EPHB2: variants seen among roughly 807,000 people sequenced by gnomAD.
EPHB2 encodes the protein EPH receptor B2, also known as ephrin type-B receptor 2.
A neutral mutation model predicts 96.4 loss-of-function variants in EPHB2; 18 were observed. That is an observed-to-expected ratio of 0.19 (90% confidence interval 0.13 to 0.28). EPHB2 has a LOEUF of 0.28. Among genes scored for constraint, EPHB2 ranks in the 10% least tolerant of loss-of-function variants. The probability of loss-of-function intolerance (pLI) is 1.00; values close to 1 mark genes in which losing one functional copy is unlikely to be tolerated. For synonymous variants in EPHB2, 506 were observed against 534.1 expected, an observed-to-expected ratio of 0.95 and a Z score of 0.72; for missense variants, 989 against 1,355.4, an observed-to-expected ratio of 0.73 and a Z score of 4.25.
chr1:22,858,227 A>T lies in EPHB2; in HGVS notation c.812-4810A>T, dbSNP rs1645733135. Among the ~76,000 whole-genome samples, 1 of 145,884 alleles carries T rather than the reference A, an allele frequency of 6.9e-6. No homozygotes were observed. Among genetic ancestry groups the T allele is most frequent in the African/African-American group, 2.4e-5 (1 of 41,034 alleles). ...CACAGGCAGGAGCGCAGTGAGTGAG[A>T]GGAGGAGGGGGAAGCGTCCAGGAGA... is the stretch of plus-strand genomic sequence containing the variant. On this transcript the variant is annotated intron_variant, in intron 3 of 15. Coordinates refer to ENST00000374630, the MANE Select transcript of EPHB2 (RefSeq NM_017449.5). This position sits in a 1 kb window ranked among gnomAD's most constrained non-coding sequence, Gnocchi z 7.7.
chr1:22,718,844 G>A lies in EPHB2; in HGVS notation c.61+7801G>A, dbSNP rs1392051255. 2.6e-5 allele frequency among the ~76,000 whole-genome samples: 4 copies of A among 152,276 alleles called. No homozygotes were observed. The East Asian group carries it at 7.7e-4, about 29-fold the overall frequency. On this transcript the variant is annotated intron_variant, in intron 1 of 15. Coordinates refer to ENST00000374630, the MANE Select transcript of EPHB2 (RefSeq NM_017449.5). ...GGAGTGACTGGCCCAAGGACACCTA[G>A]GGAGTGGTGAGGCAGCGATTGAAAC...
At chr1:22,753,768 C>G (rs1644101445) in intron 1 of EPHB2, among the ~76,000 whole-genome samples, 1 of 152,138 alleles carries the variant, frequency 6.6e-6, no homozygotes, top group Non-Finnish European at 1.5e-5. Context: ...TTCACTTTCT[C>G]TCAATAACCT....
chr1:22,811,221 T>C (rs1257377151), intron 3 of EPHB2, among the ~76,000 whole-genome samples: 1 of 152,216 alleles, frequency 6.6e-6, no homozygotes, highest in Non-Finnish European at 1.5e-5. Context: ...CCAGCCATCC[T>C]GTGCTTTGGG....
At chr1:22,816,152 C>T (rs951156907) in intron 3 of EPHB2, among the ~76,000 whole-genome samples, 2 of 152,160 alleles carry the variant, frequency 1.3e-5, no homozygotes, top group South Asian at 4.1e-4. Context: ...CAGAGAACAT[C>T]CCCATCCAGA....
Position 22,913,349 on chromosome 1 carries a change from C to A in EPHB2, c.2853-113C>A. 1 of 1,398,778 alleles carries A rather than the reference C, an allele frequency of 7.1e-7. No individual in the cohort carries two copies. Among genetic ancestry groups the A allele is most frequent in the Non-Finnish European group, 9.9e-7 (1 of 1,009,854 alleles). 86.6% of individuals were successfully genotyped at this position (1,398,778 alleles called of 1,614,324 possible). A position where few individuals can be genotyped will look rare whatever the true frequency, so the allele number is the denominator to read the frequency against. On this transcript the variant is annotated intron_variant, in intron 15 of 15. Coordinates refer to ENST00000374630, the MANE Select transcript of EPHB2 (RefSeq NM_017449.5). This position sits in a 1 kb window ranked among gnomAD's most constrained non-coding sequence, Gnocchi z 4.1. ...CTGCCCACTCCCCACTCCCCACTCC[C>A]CAGTACTCCTTGCTTTGCCATCTTC...
chr1:22,731,690 A>T (rs1003523626), intron 1 of EPHB2, among the ~76,000 whole-genome samples: 2 of 152,142 alleles, frequency 1.3e-5, no homozygotes, highest in African/African-American at 4.8e-5. Flanking sequence ...AATTATACAA[A>T]TTAGCCAGGC....
chr1:22,909,986 A>T (rs563930054), intron 13 of EPHB2, among the ~76,000 whole-genome samples: 1 of 152,224 alleles, frequency 6.6e-6, no homozygotes, highest in East Asian at 1.9e-4. Flanking sequence ...CACTAAAATC[A>T]AGCATGTGGC....
chr1:22,717,813 A>C (rs1643331805), intron 1 of EPHB2, among the ~76,000 whole-genome samples: 1 of 152,208 alleles, frequency 6.6e-6, no homozygotes, highest in African/African-American at 2.4e-5. Flanking sequence ...TTCTATAAAC[A>C]GCAGAGCCTG....
chr1:22,890,839 G>A (rs530386250), intron 6 of EPHB2, among the ~76,000 whole-genome samples: 1 of 152,308 alleles, frequency 6.6e-6, no homozygotes, highest in South Asian at 2.1e-4. Context: ...GCCACCATGT[G>A]AAGAAGTATG....
At chr1:22,810,222 A>C (rs1050249623) in intron 3 of EPHB2, among the ~76,000 whole-genome samples, 1 of 152,010 alleles carries the variant, frequency 6.6e-6, no homozygotes, top group Non-Finnish European at 1.5e-5. Context: ...TGGGAGCGGG[A>C]CCCTGCCACT....
At chr1:22,711,428 CG>C (rs975017754) in intron 1 of EPHB2, among the ~76,000 whole-genome samples, 19 of 136,166 alleles carry the variant, frequency 1.4e-4, no homozygotes, top group Middle Eastern at 8.3e-3. Context: ...TGGCGGGGGG[CG>C]GGGGGGGCGC....
At chr1:22,857,451 C>G (rs769762304) in intron 3 of EPHB2, among the ~76,000 whole-genome samples, 2 of 151,988 alleles carry the variant, frequency 1.3e-5, no homozygotes, top group Non-Finnish European at 2.9e-5. Flanking sequence ...GGCAAAGGGA[C>G]CAGCATATGT....
intron 3 of EPHB2, among the ~76,000 whole-genome samples, chr1:22,840,769 C>T (rs1288251564): frequency 6.6e-6 from 1 of 152,170 alleles, no homozygotes; most frequent in East Asian, 1.9e-4. Context: ...CTCCCCAAGT[C>T]ATTTTAGAAC....
chr1:22,864,666 C>A (rs901872864), intron 4 of EPHB2, among the ~76,000 whole-genome samples: 2 of 152,198 alleles, frequency 1.3e-5, no homozygotes, highest in African/African-American at 4.8e-5. Context: ...AAACACTGAG[C>A]AGTTTGTAAG....
intron 3 of EPHB2, among the ~76,000 whole-genome samples, chr1:22,810,803 G>C (rs1644992383): frequency 6.6e-6 from 1 of 152,094 alleles, no homozygotes; most frequent in South Asian, 2.1e-4. Context: ...AATGTCACCT[G>C]GTCCCTGTCA....
In EPHB2 at chr1:22,755,814, CTATTAT is replaced by C. The variant is rs970017181; in HGVS notation, c.62-25595_62-25590del. ...ATAAACACTGTGTTTGCCAGTCATACTATTATTATTATTATTAGTCACAGGGAAGAA... is the reference window on the plus strand; with the variant it reads ...ATAAACACTGTGTTTGCCAGTCATACTATTATTATTAGTCACAGGGAAGAA... On this transcript the variant is annotated intron_variant, in intron 1 of 15. Coordinates refer to ENST00000374630, the MANE Select transcript of EPHB2 (RefSeq NM_017449.5). Among the ~76,000 whole-genome samples the C allele has an allele frequency of 5.9e-5, 9 of 151,922 alleles. No individual in the cohort carries two copies. The East Asian group carries it at 1.2e-3, about 20-fold the overall frequency.
At chr1:22,886,705 C>T (rs190760619) in intron 6 of EPHB2, among the ~76,000 whole-genome samples, 3 of 149,426 alleles carry the variant, frequency 2.0e-5, no homozygotes, top group Non-Finnish European at 4.4e-5. Context: ...CGGCTCACCA[C>T]AACCTCTGCC....
At chr1:22,894,679 C>T (rs1433329861) in intron 7 of EPHB2, among the ~76,000 whole-genome samples, 1 of 152,000 alleles carries the variant, frequency 6.6e-6, no homozygotes, top group Non-Finnish European at 1.5e-5. Context: ...TTCCAAGAGC[C>T]AGGCTAATGC....
At chr1:22,804,510 A>C (rs1644895666) in intron 3 of EPHB2, among the ~76,000 whole-genome samples, 1 of 152,040 alleles carries the variant, frequency 6.6e-6, no homozygotes, top group African/African-American at 2.4e-5. Context: ...GCACGCTCAC[A>C]CCCACTCACA....
Sources: allele counts gnomAD v4.1 joint callset (sites outside exome capture counted in the v4.1 genomes callset), GRCh38; gene constraint gnomAD v4.1.1; non-coding constraint Gnocchi (gnomAD v3.1); transcripts MANE v1.5; gene names NCBI Gene and HGNC (gene_info 2026-07-23, HGNC 2026-07-21).